Variants in AKAP8L observed in about 807,000 individuals in gnomAD.
The protein encoded by AKAP8L is A-kinase anchor protein 8-like.
AKAP8L carries 34 observed loss-of-function variants against 77.5 expected under a neutral mutation model. The ratio of observed to expected loss-of-function variants is 0.44; its 90% CI spans 0.33 to 0.58. The LOEUF is 0.58. Ranked by LOEUF, AKAP8L falls within the 20% of genes least tolerant of loss-of-function variation. AKAP8L has a pLI of 0.02. For synonymous variants in AKAP8L, 342 were observed against 340.7 expected (o/e 1.00, Z -0.04); for missense variants, 806 against 887.6 (o/e 0.91, Z 1.17).
chr19:15,386,200 G>A (rs1431283043), intron 12 of AKAP8L, among the ~76,000 whole-genome samples: 10 of 152,074 alleles, frequency 6.6e-5, no homozygotes, highest in Middle Eastern at 6.8e-3. Context: ...ATGAGCCACC[G>A]CGCCCGGCCA....
At chr19:15,383,338 T>C (rs1445532194) in intron 12 of AKAP8L, 1 of 152,082 alleles carries the variant, frequency 6.6e-6, no homozygotes, top group African/African-American at 2.4e-5. Flanking sequence ...GCCTCTTGAG[T>C]AGCTGGGACT....
chr19:15,395,941 G>A (rs1466884786), intron 12 of AKAP8L, among the ~76,000 whole-genome samples: 1 of 113,594 alleles, frequency 8.8e-6, no homozygotes, highest in Non-Finnish European at 1.7e-5. Context: ...CCGAGATCGC[G>A]CCACTGCACT....
At chr19:15,396,808 C>T (rs1967786210) in intron 12 of AKAP8L, among the ~76,000 whole-genome samples, 1 of 152,240 alleles carries the variant, frequency 6.6e-6, no homozygotes, top group South Asian at 2.1e-4. Flanking sequence ...CCAGGCCTCT[C>T]AGTGCAGCTC....
Position 15,399,360 on chromosome 19 carries a change from C to T in AKAP8L, c.1099G>A (p.Ala367Thr), listed in dbSNP as rs1325511942. 1.2e-6 allele frequency: 2 copies of T among 1,613,926 alleles called. No individual in the cohort carries two copies. The highest frequency in any genetic ancestry group is 2.2e-5 in the South Asian group (2 of 91,086). ...ENGQTKRKLQ[A>T]GKKSQDKQKK... Reference sequence around the variant, plus strand: ...TGCTTGTCCTGACTCTTCTTGCCTGCCTGCAACTTGCGCTTGGTCTGGCCA... The same window carrying T: ...TGCTTGTCCTGACTCTTCTTGCCTGTCTGCAACTTGCGCTTGGTCTGGCCA... The change falls in exon 9 of 14, where the codon GCA (alanine) becomes ACA (threonine). Residue 367 changes from alanine (A) to threonine (T), a missense_variant. This residue lies in a region of AKAP8L where 580 missense variants were observed against 694.1 expected (regional missense o/e 0.84). Coordinates refer to ENST00000397410, the MANE Select transcript of AKAP8L (RefSeq NM_014371.4). The surrounding 1 kb of genome is among the most constrained non-coding windows in gnomAD (Gnocchi z 6.1).
At chr19:15,409,036 A>G (rs940303302) in intron 2 of AKAP8L, among the ~76,000 whole-genome samples, 9 of 152,198 alleles carry the variant, frequency 5.9e-5, no homozygotes, top group African/African-American at 1.9e-4. Context: ...CACAGACTAA[A>G]TGTAAAACCC....
chr19:15,385,441 A>G (rs918922083), intron 12 of AKAP8L, among the ~76,000 whole-genome samples: 22 of 152,088 alleles, frequency 1.4e-4, no homozygotes, highest in African/African-American at 4.8e-4. Context: ...TCGGCCTCCC[A>G]AAGTGCTGGG....
intron 1 of AKAP8L, among the ~76,000 whole-genome samples, chr19:15,415,203 T>C (rs954063784): frequency 1.3e-5 from 2 of 151,928 alleles, no homozygotes; most frequent in African/African-American, 2.4e-5. Context: ...GGAGGCTGAG[T>C]TGGGAGGATC....
intron 1 of AKAP8L, among the ~76,000 whole-genome samples, chr19:15,414,087 G>A (rs1433305547): frequency 2.2e-5 from 3 of 135,370 alleles, no homozygotes; most frequent in South Asian, 4.7e-4. Context: ...TTTTTGAGAC[G>A]GAGTTTCACT....
Position 15,403,438 on chromosome 19 carries a change from C to CT in AKAP8L, c.362+36dup, listed in dbSNP as rs1967937566. 2.5e-6 allele frequency: 4 copies of CT among 1,606,244 alleles called. No homozygotes were observed. The highest frequency in any genetic ancestry group is 3.4e-6 in the Non-Finnish European group (4 of 1,173,466). On this transcript the variant is annotated intron_variant, in intron 4 of 13. Transcript: ENST00000397410. This position sits in a 1 kb window ranked among gnomAD's most constrained non-coding sequence, Gnocchi z 4.3. Reference sequence around the variant, plus strand: ...AGTGGGCAGCAGGCAGGAGCCGCCCCTGCAGAGTCTCAACCCCTAGGCAGG... The same window carrying CT: ...AGTGGGCAGCAGGCAGGAGCCGCCCCTTGCAGAGTCTCAACCCCTAGGCAGG...
intron 2 of AKAP8L, among the ~76,000 whole-genome samples, chr19:15,405,508 C>A (rs907237650): frequency 6.6e-6 from 1 of 151,152 alleles, no homozygotes; most frequent in African/African-American, 2.4e-5. Flanking sequence ...CCAGCCTGGG[C>A]GACACGGTGA....
In AKAP8L at chr19:15,384,094, G is replaced by A. The variant is rs567273571; in HGVS notation, c.1537-3482C>T. On this transcript the variant is annotated intron_variant, in intron 12 of 13. Coordinates refer to ENST00000397410, the MANE Select transcript of AKAP8L (RefSeq NM_014371.4). Reference sequence around the variant, plus strand: ...TTATAGGCACCCACCACCCCACCCGGCTAATTTTTTGTATTTTTAGTAGAG... The same window carrying A: ...TTATAGGCACCCACCACCCCACCCGACTAATTTTTTGTATTTTTAGTAGAG... Among the ~76,000 whole-genome samples, 4 of 151,670 alleles carry A rather than the reference G, an allele frequency of 2.6e-5. No individual in the cohort carries two copies. The South Asian group carries it at 6.3e-4, about 24-fold the overall frequency.
chr19:15,401,739 C>T lies in AKAP8L; in HGVS notation c.363-136G>A, dbSNP rs1967905819. 2 of 699,026 alleles carry T rather than the reference C, an allele frequency of 2.9e-6. No homozygotes were observed. The highest frequency in any genetic ancestry group is 2.3e-6 in the Non-Finnish European group (1 of 428,364). The allele number at this position is 699,026 out of a possible 1,614,324, so 43.3% of individuals were successfully genotyped here. ...TGGGAGGCTCAATGTTCAGAAATGC[C>T]GATTAAAGAGTTCCAGCCTCTCAGC... On this transcript the variant is annotated intron_variant, in intron 4 of 13. Transcript: ENST00000397410. This position sits in a 1 kb window ranked among gnomAD's most constrained non-coding sequence, Gnocchi z 6.2.
intron 12 of AKAP8L, among the ~76,000 whole-genome samples, chr19:15,391,330 C>T (rs1433018561): frequency 6.7e-6 from 1 of 149,892 alleles, no homozygotes; most frequent in Non-Finnish European, 1.5e-5. Flanking sequence ...TGGTGGCGGG[C>T]ACCTGTAGTC....
intron 12 of AKAP8L, among the ~76,000 whole-genome samples, chr19:15,384,434 A>G (rs775082119): frequency 1.5e-4 from 22 of 150,796 alleles, no homozygotes; most frequent in Non-Finnish European, 2.8e-4. Flanking sequence ...TGAGTAGCTG[A>G]GATTACAGGC....
chr19:15,409,416 C>G (rs1457856942), intron 2 of AKAP8L, among the ~76,000 whole-genome samples: 1 of 152,202 alleles, frequency 6.6e-6, no homozygotes, highest in Non-Finnish European at 1.5e-5. Context: ...TACCTTCTCA[C>G]TCAATTTCAA....
chr19:15,400,062 GT>G (rs1248849336), intron 8 of AKAP8L: 1 of 576,844 alleles, frequency 1.7e-6, no homozygotes, highest in East Asian at 2.9e-5. Context: ...GGCAAAACCA[GT>G]GTGCTAGGCA....
chr19:15,389,957 A>C (rs1967626071), intron 12 of AKAP8L, among the ~76,000 whole-genome samples: 1 of 152,134 alleles, frequency 6.6e-6, no homozygotes, highest in African/African-American at 2.4e-5. Flanking sequence ...ACGGTGGCTC[A>C]TGCCTGTAGT....
At chr19:15,418,642 G>C (rs1968263030) in intron 1 of AKAP8L, among the ~76,000 whole-genome samples, 1 of 152,200 alleles carries the variant, frequency 6.6e-6, no homozygotes, top group African/African-American at 2.4e-5. Flanking sequence ...CGGAGACCTC[G>C]TGCGCTGAGG....
At chr19:15,384,145 C>A (rs1001465863) in intron 12 of AKAP8L, among the ~76,000 whole-genome samples, 4 of 151,754 alleles carry the variant, frequency 2.6e-5, no homozygotes, top group Non-Finnish European at 5.9e-5. Flanking sequence ...CTTGGCCAGG[C>A]TGGTCTTGAA....
Sources: allele counts gnomAD v4.1 joint callset (sites outside exome capture counted in the v4.1 genomes callset), GRCh38; gene constraint gnomAD v4.1.1; regional missense constraint gnomAD v4.1.1; non-coding constraint Gnocchi (gnomAD v3.1); transcripts MANE v1.5; gene names NCBI Gene and HGNC (gene_info 2026-07-23, HGNC 2026-07-21).